Variants in RIF1 observed in about 807,000 individuals in gnomAD.
The protein encoded by RIF1 is replication timing regulatory factor 1, also known as telomere-associated protein RIF1.
A neutral mutation model predicts 247.1 loss-of-function variants in RIF1; 45 were observed. That is an observed-to-expected ratio of 0.18 (90% confidence interval 0.14 to 0.23). The LOEUF (loss-of-function observed/expected upper bound fraction) is 0.23, where lower values mean the gene tolerates loss of function less well. Ranked by LOEUF, RIF1 falls within the 10% of genes least tolerant of loss-of-function variation. The pLI is 1.00. For synonymous variants in RIF1, 1,087 were observed against 978.8 expected (o/e 1.11, Z -2.06); for missense variants, 2,967 against 2,862.5 (o/e 1.04, Z -0.83).
At chr2:151,501,343 G>A (rs1257310308) in intron 11 of RIF1, 2 of 1,263,946 alleles carry the variant, frequency 1.6e-6, no homozygotes, top group South Asian at 2.6e-5. Flanking sequence ...CTGTTTTGTA[G>A]AAATTATTAT....
At chr2:151,527,108 C>T in the RIF1 span, 4 of 854,198 alleles carry the variant, frequency 4.7e-6, no homozygotes, top group Non-Finnish European at 7.4e-6. Context: ...AGGGAGTCCT[C>T]TTAAGGAGAG....
chr2:151,427,483 T>C (rs981835073), intron 8 of RIF1, among the ~76,000 whole-genome samples: 10 of 151,918 alleles, frequency 6.6e-5, no homozygotes, highest in African/African-American at 2.2e-4. Flanking sequence ...AGTGCTGGGA[T>C]TGCAGGTGTG....
chr2:151,440,548 G>T (rs745856365), intron 15 of RIF1, among the ~76,000 whole-genome samples: 1 of 151,880 alleles, frequency 6.6e-6, no homozygotes, highest in Non-Finnish European at 1.5e-5. Context: ...AACCCGTGTA[G>T]TACAGGAAGA....
chr2:151,527,431 T>A, the RIF1 span: 21 of 1,272,286 alleles, frequency 1.7e-5, no homozygotes, highest in Non-Finnish European at 2.1e-5. Flanking sequence ...TTCATTGTAT[T>A]TCTCAGGTGC....
At chr2:151,519,606 T>C in the RIF1 span, 4 of 1,358,582 alleles carry the variant, frequency 2.9e-6, no homozygotes, top group South Asian at 4.7e-5. Context: ...TTAAAAACAG[T>C]TAAAATGGCA....
At chr2:151,529,033 G>T in the RIF1 span, among the ~76,000 whole-genome samples, 14 of 152,298 alleles carry the variant, frequency 9.2e-5, no homozygotes, top group African/African-American at 3.4e-4. Flanking sequence ...ATGCTCCTTT[G>T]TGAGGACCAA....
Position 151,463,974 on chromosome 2 carries a change from T to C in RIF1, c.4454T>C (p.Leu1485Ser). ...QENLIEKGSN[L>S]HEKTLGETSA... ...AATTTAATTGAGAAAGGAAGTAATT[T>C]ACATGAGAAGACTCTTGGGGAAACT... Residue 1485 changes from leucine (L) to serine (S), a missense_variant, in exon 30 of 36, where the codon TTA becomes TCA. By Grantham distance (145) the Leu-to-Ser change is moderately radical. This residue lies in a region of RIF1 where 2,028 missense variants were observed against 1,825.6 expected (regional missense o/e 1.11). Coordinates refer to ENST00000444746, the MANE Select transcript of RIF1 (RefSeq NM_018151.5). 6.2e-7 allele frequency: 1 copy of C among 1,608,682 alleles called. No homozygotes were observed. Among genetic ancestry groups the C allele is most frequent in the South Asian group, 1.1e-5 (1 of 89,674 alleles).
At chr2:151,456,220 C>A (rs895280756) in intron 22 of RIF1, among the ~76,000 whole-genome samples, 8 of 152,152 alleles carry the variant, frequency 5.3e-5, no homozygotes, top group African/African-American at 1.4e-4. Context: ...GTTTTAGGAA[C>A]AGATTTTATA....
the RIF1 span, chr2:151,530,539 G>A: frequency 6.5e-6 from 1 of 153,062 alleles, no homozygotes; most frequent in Non-Finnish European, 1.5e-5. Flanking sequence ...CATAGACCTA[G>A]TTTACCAATT....
At chr2:151,518,893 A>C in the RIF1 span, 30 of 993,524 alleles carry the variant, frequency 3.0e-5, no homozygotes, top group Non-Finnish European at 4.8e-5. Flanking sequence ...AAGAAGATGC[A>C]TCTGGGCTCA....
rs1172943620 is a variant in RIF1 at position 151,465,310 on chromosome 2, A to G, written c.5790A>G (p.Gln1930=). 6.2e-7 allele frequency: 1 copy of G among 1,613,866 alleles called. No homozygotes were observed. Among genetic ancestry groups the G allele is most frequent in the South Asian group, 1.1e-5 (1 of 90,986 alleles). The change falls in exon 30 of 36, where the codon CAA becomes CAG. Residue 1930 remains glutamine, a synonymous_variant. Transcript: ENST00000444746. The part of the protein sequence containing the change: ...NVGNEASFHG[Q]ERTKTGISEE... Reference sequence around the variant, plus strand: ...GAAATGAAGCTAGCTTTCATGGACAAGAGAGAACCAAAACTGGTATTTCTG... The same window carrying G: ...GAAATGAAGCTAGCTTTCATGGACAGGAGAGAACCAAAACTGGTATTTCTG...
At chr2:151,499,446 C>G (rs2062790440) in exon 11 of RIF1, 2 of 934,730 alleles carry the variant, frequency 2.1e-6, no homozygotes, top group African/African-American at 1.6e-5. Flanking sequence ...ACAGCCCTTT[C>G]ATCTACCTTG....
Position 151,461,139 on chromosome 2 carries a change from T to C in RIF1, c.3077T>C (p.Leu1026Pro). The change falls in exon 27 of 36, where the codon CTG (leucine) becomes CCG (proline). Residue 1026 changes from leucine to proline, a missense_variant and splice_region_variant. Leu to Pro is a moderately conservative substitution (Grantham distance 98, BLOSUM62 -3). Transcript: ENST00000444746. ...KKENMKPAAK[L>P]KLESSSLKVK... ...TTGCTTATTTTTTCAAATCTGCAGC[T>C]GAAACTTGAATCTTCGTCTTTAAAA... is the stretch of plus-strand genomic sequence containing the variant. 6.2e-7 allele frequency: 1 copy of C among 1,602,328 alleles called. No homozygotes were observed. Among genetic ancestry groups the C allele is most frequent in the Non-Finnish European group, 8.5e-7 (1 of 1,177,236 alleles).
chr2:151,507,350 C>CA (rs2070019749), intron 13 of RIF1, among the ~76,000 whole-genome samples: 1 of 152,158 alleles, frequency 6.6e-6, no homozygotes, highest in Admixed American at 6.5e-5. Flanking sequence ...TACACTACCC[C>CA]AAAATAATGG....
intron 24 of RIF1, 125 bp downstream of exon 24, chr2:151,458,088 A>G: frequency 1.6e-6 from 1 of 622,154 alleles, no homozygotes. Flanking sequence ...TTGAAATATT[A>G]CCATTTGGAA....
chr2:151,516,609 C>T, the RIF1 span: 3 of 1,246,406 alleles, frequency 2.4e-6, no homozygotes, highest in Non-Finnish European at 2.3e-6. Context: ...TGGTCAATTC[C>T]TAGACAGCAG....
chr2:151,520,071 C>T, the RIF1 span: 1 of 202,244 alleles, frequency 4.9e-6, no homozygotes. Flanking sequence ...AGGCTTCAGG[C>T]TAAATTCAGA....
At chr2:151,512,611 G>A, downstream of RIF1, 1 of 789,566 alleles carries the variant, frequency 1.3e-6, no homozygotes, top group South Asian at 1.6e-5. Context: ...ACTGCACCTG[G>A]TGAATCTCTT....
chr2:151,467,694 TC>T (rs1697166699), intron 30 of RIF1, among the ~76,000 whole-genome samples: 1 of 152,162 alleles, frequency 6.6e-6, no homozygotes, highest in Non-Finnish European at 1.5e-5. Flanking sequence ...CCCATAAAGT[TC>T]CTAGAATCAG....
Sources: gnomAD v4.1 joint callset for allele counts (sites outside exome capture counted in the v4.1 genomes callset) on GRCh38, gnomAD v4.1.1 for gene constraint, gnomAD v4.1.1 regional missense constraint, MANE v1.5 for transcripts, NCBI Gene and HGNC (gene_info 2026-07-23, HGNC 2026-07-21) for gene names.